C17orf67: variants seen among roughly 807,000 people sequenced by gnomAD.
The protein encoded by C17orf67 is chromosome 17 open reading frame 67.
In C17orf67, 12 loss-of-function variants were observed where a neutral mutation model predicts 11.2. The ratio of observed to expected loss-of-function variants is 1.07; its 90% CI spans 0.68 to 1.73. The LOEUF (loss-of-function observed/expected upper bound fraction) is 1.73. C17orf67 is among the 40% of genes most tolerant of loss of function. The pLI is 0.00. For missense variants in C17orf67, 115 were observed against 113.5 expected, an observed-to-expected ratio of 1.01 and a Z score of -0.06; for synonymous variants, 59 against 46.9, an observed-to-expected ratio of 1.26 and a Z score of -1.05.
At chr17:56,810,472 CACACACAT>C (rs1232526431) in intron 6 of C17orf67, among the ~76,000 whole-genome samples, 2 of 152,114 alleles carry the variant, frequency 1.3e-5, no homozygotes, top group African/African-American at 4.8e-5. Context: ...CACACATTCA[CACACACAT>C]ACACACATAC....
chr17:56,824,407 A>G (rs1341324459), intron 4 of C17orf67, among the ~76,000 whole-genome samples: 1 of 152,198 alleles, frequency 6.6e-6, no homozygotes, highest in Non-Finnish European at 1.5e-5. Flanking sequence ...TAAATTTCCA[A>G]GTCTCAGGTA....
At chr17:56,832,612 C>G (rs771184793) in intron 2 of C17orf67, among the ~76,000 whole-genome samples, 10 of 152,136 alleles carry the variant, frequency 6.6e-5, no homozygotes, top group Non-Finnish European at 1.2e-4. Flanking sequence ...TGTCGCCTAA[C>G]CTTACTTACA....
At position 56,815,923 on chromosome 17, in the gene C17orf67, T is replaced by G; in HGVS notation, c.-113A>C. 6 of 1,576,006 alleles carry G rather than the reference T, an allele frequency of 3.8e-6. No individual in the cohort carries two copies. Among genetic ancestry groups the G allele is most frequent in the Non-Finnish European group, 4.3e-6 (5 of 1,157,792 alleles). On this transcript the variant is annotated 5_prime_UTR_variant, in exon 5 of 8. Coordinates refer to ENST00000397861, the MANE Select transcript of C17orf67 (RefSeq NM_001085430.4). The stretch of plus-strand genomic sequence containing the variant: ...TGTTTATGCTTTGACTAACGGGACT[T>G]ACGGTATGATGCTGAATGTATCTGA...
At chr17:56,824,282 T>G (rs1905973711) in intron 4 of C17orf67, among the ~76,000 whole-genome samples, 1 of 152,226 alleles carries the variant, frequency 6.6e-6, no homozygotes, top group Non-Finnish European at 1.5e-5. Flanking sequence ...TGGCTTGCCC[T>G]TCAGCTTTTT....
chr17:56,800,037 TC>T (rs143594418), intron 6 of C17orf67, among the ~76,000 whole-genome samples: 16,252 of 148,244 alleles, frequency 0.11, 1,060 homozygotes, highest in South Asian at 0.15. Context: ...TCTTGATTTT[TC>T]TGTATCCTGT....
chr17:56,831,783 C>G (rs985727165), intron 2 of C17orf67, among the ~76,000 whole-genome samples: 2 of 152,168 alleles, frequency 1.3e-5, no homozygotes, highest in African/African-American at 4.8e-5. Context: ...CATGTACATA[C>G]GTACGACTGA....
intron 6 of C17orf67, among the ~76,000 whole-genome samples, chr17:56,799,337 G>T (rs1905269174): frequency 6.6e-6 from 1 of 152,190 alleles, no homozygotes. Flanking sequence ...ACATGTAATT[G>T]AATTTTCAGA....
intron 4 of C17orf67, among the ~76,000 whole-genome samples, chr17:56,817,910 C>T (rs1905799428): frequency 6.6e-6 from 1 of 150,956 alleles, no homozygotes; most frequent in Non-Finnish European, 1.5e-5. Context: ...AGTGCACGAA[C>T]TTGGCTCAGT....
intron 6 of C17orf67, among the ~76,000 whole-genome samples, chr17:56,800,206 C>T (rs978591079): frequency 1.3e-5 from 2 of 151,972 alleles, no homozygotes; most frequent in African/African-American, 4.8e-5. Flanking sequence ...GCTGGAACTA[C>T]AGGCACCCAC....
intron 6 of C17orf67, among the ~76,000 whole-genome samples, chr17:56,811,145 G>A (rs1409498774): frequency 1.3e-5 from 2 of 152,160 alleles, no homozygotes; most frequent in East Asian, 1.9e-4. Context: ...CTGGCACCAG[G>A]AAACCTGTGT....
chr17:56,794,271 A>T (rs1905167634), intron 7 of C17orf67, among the ~76,000 whole-genome samples: 1 of 152,176 alleles, frequency 6.6e-6, no homozygotes, highest in Admixed American at 6.5e-5. Flanking sequence ...AAGGTATAAG[A>T]TTTCTCTTAA....
At chr17:56,815,020 G>A (rs1468546461) in intron 5 of C17orf67, 51 bp from the exon 6 acceptor site, 2 of 1,479,932 alleles carry the variant, frequency 1.4e-6, no homozygotes, top group East Asian at 2.3e-5. Flanking sequence ...AGGAGTTCAT[G>A]AGCCATCTCA....
At chr17:56,820,521 C>T (rs775874767) in intron 4 of C17orf67, among the ~76,000 whole-genome samples, 29 of 152,182 alleles carry the variant, frequency 1.9e-4, no homozygotes, top group African/African-American at 6.7e-4. Context: ...GGGAAGAAAC[C>T]GAAGTACCCA....
At chr17:56,812,549 A>T (rs773256670) in intron 6 of C17orf67, among the ~76,000 whole-genome samples, 1 of 152,116 alleles carries the variant, frequency 6.6e-6, no homozygotes, top group Non-Finnish European at 1.5e-5. Context: ...ATGCCTGAGG[A>T]TTCTGGACAT....
chr17:56,792,894 G>A (rs1379145577), intron 7 of C17orf67, among the ~76,000 whole-genome samples: 6 of 65,930 alleles, frequency 9.1e-5, no homozygotes, highest in Non-Finnish European at 1.8e-4. Context: ...GGTGGTGATG[G>A]TGGTGGGGGT....
intron 6 of C17orf67, among the ~76,000 whole-genome samples, chr17:56,797,912 G>A (rs1009708327): frequency 2.0e-5 from 3 of 152,174 alleles, no homozygotes; most frequent in African/African-American, 7.2e-5. Context: ...ACAGAAAAAT[G>A]ATAAAACAAC....
intron 6 of C17orf67, among the ~76,000 whole-genome samples, chr17:56,811,257 A>G (rs1905617731): frequency 6.6e-6 from 1 of 152,216 alleles, no homozygotes; most frequent in Admixed American, 6.5e-5. Context: ...TTATAGATGA[A>G]AAAACTAGGC....
At chr17:56,801,607 T>A (rs1438637246) in intron 6 of C17orf67, among the ~76,000 whole-genome samples, 1 of 152,148 alleles carries the variant, frequency 6.6e-6, no homozygotes, top group Non-Finnish European at 1.5e-5. Flanking sequence ...CAAAATACAC[T>A]CAGTGTTCTG....
intron 6 of C17orf67, among the ~76,000 whole-genome samples, chr17:56,807,776 T>C (rs1034109214): frequency 3.3e-5 from 5 of 151,898 alleles, no homozygotes; most frequent in Admixed American, 6.6e-5. Context: ...ATGGGGCCAC[T>C]TTGTCTAAAG....
Sources: allele counts gnomAD v4.1 joint callset (sites outside exome capture counted in the v4.1 genomes callset), GRCh38; gene constraint gnomAD v4.1.1; transcripts MANE v1.5; gene names NCBI Gene and HGNC (gene_info 2026-07-23, HGNC 2026-07-21).